Variants in ATP8B1 observed in about 807,000 individuals in gnomAD.
ATP8B1 encodes ATPase phospholipid transporting 8B1, also known as phospholipid-transporting ATPase IC.
A neutral mutation model predicts 149.9 loss-of-function variants in ATP8B1; 80 were observed. The observed-to-expected ratio is 0.53, with a 90% CI of 0.45 to 0.64. The LOEUF is 0.64. Among genes scored for constraint, ATP8B1 ranks in the 30% least tolerant of loss-of-function variants. The pLI is 0.00. For missense variants in ATP8B1, 1,247 were observed against 1,552.6 expected (o/e 0.80, Z 3.31); for synonymous variants, 536 against 562.8 (o/e 0.95, Z 0.67).
At chr18:57,693,596 T>A (rs1456818397) in intron 11 of ATP8B1, among the ~76,000 whole-genome samples, 2 of 151,960 alleles carry the variant, frequency 1.3e-5, no homozygotes, top group Non-Finnish European at 2.9e-5. Flanking sequence ...TAATCCCAGC[T>A]ACTTGGGAGG....
chr18:57,701,253 G>T lies in ATP8B1; in HGVS notation c.454C>A (p.Leu152Met). Reference protein sequence around the residue: ...YTTLVPLLVVLGVTAIKDLVD... With the variant: ...YTTLVPLLVVMGVTAIKDLVD... ...AGGTCTTTGATTGCAGTGACGCCCAGCACCACAAGCAGGGGCACTAGTGTG... is the reference window on the plus strand; with the variant it reads ...AGGTCTTTGATTGCAGTGACGCCCATCACCACAAGCAGGGGCACTAGTGTG... Residue 152 changes from leucine (L) to methionine (M), a missense_variant, in exon 5 of 28, where the codon CTG becomes ATG. Physicochemically the swap from Leu to Met is conservative, Grantham distance 15. This residue lies in a region of ATP8B1 where 853 missense variants were observed against 1,035.7 expected (regional missense o/e 0.82). Coordinates refer to ENST00000648908, the MANE Select transcript of ATP8B1 (RefSeq NM_001374385.1). The T allele has an allele frequency of 1.9e-6, 3 of 1,614,208 alleles. No homozygotes were observed. The highest frequency in any genetic ancestry group is 2.5e-6 in the Non-Finnish European group (3 of 1,180,048).
chr18:57,654,600 T>TG (rs540292919), intron 23 of ATP8B1, among the ~76,000 whole-genome samples: 1 of 152,046 alleles, frequency 6.6e-6, no homozygotes, highest in Non-Finnish European at 1.5e-5. Context: ...ATTATAGGCG[T>TG]GAGCCACTGC....
chr18:57,725,179 C>A, intron 2 of ATP8B1, among the ~76,000 whole-genome samples: 2 of 133,908 alleles, frequency 1.5e-5, no homozygotes, highest in African/African-American at 2.8e-5. Flanking sequence ...TGCAGCGCAC[C>A]AGCATGGCAC....
intron 2 of ATP8B1, among the ~76,000 whole-genome samples, chr18:57,713,460 C>A (rs1913835244): frequency 6.9e-6 from 1 of 145,936 alleles, no homozygotes; most frequent in South Asian, 2.2e-4. Context: ...CCATGCCCAG[C>A]TAATTTTTAA....
intron 2 of ATP8B1, among the ~76,000 whole-genome samples, chr18:57,721,438 G>T (rs2079645698): frequency 6.8e-6 from 1 of 147,124 alleles, no homozygotes; most frequent in East Asian, 2.1e-4. Flanking sequence ...AAAGGCAGGG[G>T]TTGCAATCCT....
rs1276075399 is a variant in ATP8B1 at position 57,662,565 on chromosome 18, T to C, written c.2336A>G (p.Tyr779Cys). The change falls in exon 21 of 28, where the codon TAC becomes TGC. Residue 779 changes from tyrosine to cysteine, a missense_variant. By Grantham distance (194) the Tyr-to-Cys change is radical (BLOSUM62 -2). Around this residue, in one of 3 missense-constraint regions of ATP8B1, gnomAD observed 853 missense variants for 1,035.7 expected, o/e 0.82. Coordinates refer to ENST00000648908, the MANE Select transcript of ATP8B1 (RefSeq NM_001374385.1). ...MENQRNRGGV[Y>C]AKFAPPVQES... ...CTGCACAGGAGGTGCAAACTTTGCG[T>C]AGACGCCACCTCTATTCCTCTGGTT... 1.9e-6 allele frequency: 3 copies of C among 1,614,150 alleles called. No individual in the cohort carries two copies. Among genetic ancestry groups the C allele is most frequent in the Admixed American group, 1.7e-5 (1 of 60,010 alleles).
chr18:57,672,948 TATATAC>T, intron 16 of ATP8B1, among the ~76,000 whole-genome samples: 1 of 49,678 alleles, frequency 2.0e-5, no homozygotes, highest in South Asian at 7.7e-4. Context: ...TATATACACA[TATATAC>T]ATACATATAT....
chr18:57,791,572 G>A (rs953501521), intron 1 of ATP8B1, among the ~76,000 whole-genome samples: 3 of 151,772 alleles, frequency 2.0e-5, no homozygotes, highest in African/African-American at 4.8e-5. Context: ...TTGAACTTCC[G>A]GCCTCAAGTT....
chr18:57,712,048 C>CATATATATATATATAT (rs10622264), intron 2 of ATP8B1, among the ~76,000 whole-genome samples: 21 of 144,324 alleles, frequency 1.5e-4, no homozygotes, highest in African/African-American at 4.8e-4. Context: ...CCTCTATTGG[C>CATATATATATATATAT]ATATATATAT....
intron 1 of ATP8B1, among the ~76,000 whole-genome samples, chr18:57,757,289 G>A (rs60566912): frequency 0.079 from 11,982 of 152,184 alleles, 525 homozygotes; most frequent in Middle Eastern, 0.14. Flanking sequence ...CTTTCAGCAT[G>A]TCCATACCTT....
chr18:57,749,223 G>C (rs1301750213), intron 1 of ATP8B1, among the ~76,000 whole-genome samples: 1 of 152,156 alleles, frequency 6.6e-6, no homozygotes, highest in East Asian at 1.9e-4. Flanking sequence ...TGAGGGCTTG[G>C]GTTTGATTGA....
At chr18:57,656,438 T>C (rs1341575808) in intron 22 of ATP8B1, among the ~76,000 whole-genome samples, 6 of 150,904 alleles carry the variant, frequency 4.0e-5, no homozygotes, top group African/African-American at 4.9e-5. Flanking sequence ...CAGGCTGCAG[T>C]GCAATGGCGC....
Position 57,668,497 on chromosome 18 carries a change from A to T in ATP8B1, c.2141T>A (p.Val714Asp). Residue 714 changes from valine to aspartate, a missense_variant, in exon 19 of 28, where the codon GTT (valine) becomes GAT (aspartate). By Grantham distance (152) the Val-to-Asp change is radical. Transcript: ENST00000648908. ...TGCAAGTTTTGAAATGGTTTCTGGA[A>T]CTCCATCCTGTAGCTTGTCTTCAAT... ...TAIEDKLQDG[V>D]PETISKLAKA... 2 of 1,606,190 alleles carry T rather than the reference A, an allele frequency of 1.2e-6. No homozygotes were observed. The highest frequency in any genetic ancestry group is 1.7e-6 in the Non-Finnish European group (2 of 1,177,446).
chr18:57,739,424 CA>C (rs958470400), intron 1 of ATP8B1, among the ~76,000 whole-genome samples: 1 of 152,192 alleles, frequency 6.6e-6, no homozygotes, highest in Non-Finnish European at 1.5e-5. Flanking sequence ...TCCTTCCTAA[CA>C]CTTATCATGA....
intron 1 of ATP8B1, among the ~76,000 whole-genome samples, chr18:57,789,728 TCCA>T (rs1307061762): frequency 6.6e-6 from 1 of 152,222 alleles, no homozygotes; most frequent in Non-Finnish European, 1.5e-5. Context: ...GTCATCTTTG[TCCA>T]TAAAGCACGG....
intron 17 of ATP8B1, among the ~76,000 whole-genome samples, chr18:57,670,283 T>C (rs926982614): frequency 6.6e-6 from 1 of 152,150 alleles, no homozygotes; most frequent in African/African-American, 2.4e-5. Context: ...AAGCTTTTAA[T>C]GGAAAAGAGT....
At chr18:57,726,925 C>CA (rs1307332349) in intron 2 of ATP8B1, among the ~76,000 whole-genome samples, 1 of 152,086 alleles carries the variant, frequency 6.6e-6, no homozygotes, top group African/African-American at 2.4e-5. Flanking sequence ...ACTAAAAATA[C>CA]AAAAATTAGC....
intron 2 of ATP8B1, among the ~76,000 whole-genome samples, chr18:57,706,930 C>T (rs1216218382): frequency 6.6e-6 from 1 of 152,206 alleles, no homozygotes; most frequent in Non-Finnish European, 1.5e-5. Flanking sequence ...ATCGATCCTG[C>T]TGACATCTTG....
chr18:57,779,766 G>A (rs760610076), intron 1 of ATP8B1, among the ~76,000 whole-genome samples: 3 of 152,070 alleles, frequency 2.0e-5, no homozygotes, highest in African/African-American at 7.2e-5. Context: ...TGGGCGTGGT[G>A]GCGGGTGCCT....
Sources: allele counts gnomAD v4.1 joint callset (sites outside exome capture counted in the v4.1 genomes callset), GRCh38; gene constraint gnomAD v4.1.1; regional missense constraint gnomAD v4.1.1; transcripts MANE v1.5; gene names NCBI Gene and HGNC (gene_info 2026-07-23, HGNC 2026-07-21).